The following NBAS variants were observed in gnomAD, a reference collection of about 807,000 sequenced individuals.
NBAS encodes the protein NBAS subunit of NRZ tethering complex, also known as NAG/BC035112 fusion.
In NBAS, 219 loss-of-function variants were observed where a neutral mutation model predicts 302.5. The ratio of observed to expected loss-of-function variants is 0.72; its 90% CI spans 0.65 to 0.81. NBAS has a LOEUF of 0.81. NBAS is among the 30% of genes least tolerant of loss of function. The probability of loss-of-function intolerance (pLI) is 0.00; values close to 1 mark genes in which losing one functional copy is unlikely to be tolerated. For synonymous variants in NBAS, 1,118 were observed against 1,021.6 expected, an observed-to-expected ratio of 1.09 and a Z score of -1.80; for missense variants, 2,932 against 2,841.6, an observed-to-expected ratio of 1.03 and a Z score of -0.72.
intron 21 of NBAS, among the ~76,000 whole-genome samples, chr2:15,452,571 C>G (rs1432583622): frequency 3.5e-5 from 5 of 141,934 alleles, no homozygotes; most frequent in Non-Finnish European, 7.5e-5. Context: ...CTGGGCAACA[C>G]AGAGAGACTC....
intron 35 of NBAS, among the ~76,000 whole-genome samples, chr2:15,338,908 G>A (rs1346298926): frequency 6.6e-6 from 1 of 152,068 alleles, no homozygotes; most frequent in East Asian, 1.9e-4. Flanking sequence ...AGCTACTTGG[G>A]GGGCTGAGGC....
chr2:14,930,327 G>A, the NBAS span, among the ~76,000 whole-genome samples: 1 of 152,232 alleles, frequency 6.6e-6, no homozygotes, highest in African/African-American at 2.4e-5. Flanking sequence ...GCCGCACTGT[G>A]TTGTGGCATT....
intron 11 of NBAS, among the ~76,000 whole-genome samples, chr2:15,489,928 G>C (rs1041527300): frequency 6.6e-6 from 1 of 152,128 alleles, no homozygotes; most frequent in Non-Finnish European, 1.5e-5. Flanking sequence ...ACAGAGACCA[G>C]AAAACAGCAG....
intron 15 of NBAS, 91 bp downstream of exon 15, chr2:15,473,976 A>T: frequency 6.6e-7 from 1 of 1,512,330 alleles, no homozygotes. Context: ...TCCCTCTTGA[A>T]ATTTTCTCCT....
At chr2:15,327,436 G>A (rs1276437226) in intron 38 of NBAS, among the ~76,000 whole-genome samples, 1 of 152,046 alleles carries the variant, frequency 6.6e-6, no homozygotes, top group South Asian at 2.1e-4. Context: ...CATAAAATCA[G>A]GAAATAAATT....
rs754225760 is a variant in NBAS at position 15,473,239 on chromosome 2, A to C, written c.1708T>G (p.Ser570Ala). ...QWRKSAVNVA[S>A]IQNYLSKIKK... Reference sequence around the variant, plus strand: ...AAACATACCAAATAATTCTGAATTGAAGCAACGTTGACCGCTGACTTCCTC... The same window carrying C: ...AAACATACCAAATAATTCTGAATTGCAGCAACGTTGACCGCTGACTTCCTC... Residue 570 changes from serine to alanine, a missense_variant, in exon 16 of 52, where the codon TCA (serine) becomes GCA (alanine). Physicochemically the swap from Ser to Ala is moderately conservative, Grantham distance 99. Transcript: ENST00000281513. 17 of 1,613,954 alleles carry C rather than the reference A, an allele frequency of 1.1e-5. No homozygotes were observed. Among genetic ancestry groups the C allele is most frequent in the Non-Finnish European group, 1.4e-5 (17 of 1,179,920 alleles).
the NBAS span, among the ~76,000 whole-genome samples, chr2:15,141,239 T>C: frequency 6.6e-6 from 1 of 152,078 alleles, no homozygotes; most frequent in East Asian, 1.9e-4. Context: ...CTCTACAATT[T>C]TGAATTGGCC....
chr2:15,234,883 G>T (rs1572497406), intron 45 of NBAS, 136 bp from the exon 46 acceptor site: 2 of 911,036 alleles, frequency 2.2e-6, no homozygotes, highest in Non-Finnish European at 1.7e-6. Context: ...GCATGTATTA[G>T]TTAGTTATTA....
rs141388551 is a variant in NBAS at position 15,551,602 on chromosome 2, G to C, written c.336-66C>G. Reference sequence around the variant, plus strand: ...CACTGTATAGAACCATAAAATACCAGATACTGTGGACTAGACAGCCTCTAT... The same window carrying C: ...CACTGTATAGAACCATAAAATACCACATACTGTGGACTAGACAGCCTCTAT... On this transcript the variant is annotated intron_variant, in intron 5 of 51. Transcript: ENST00000281513. 1,205 of 1,226,964 alleles carry C rather than the reference G, an allele frequency of 9.8e-4. 10 individuals carry two copies. In the African/African-American group the frequency reaches 0.016, roughly 17 times the overall value. The allele number at this position is 1,226,964 out of a possible 1,614,324, so 76.0% of individuals were successfully genotyped here.
At chr2:15,329,191 A>T (rs1672208300) in intron 36 of NBAS, among the ~76,000 whole-genome samples, 1 of 152,214 alleles carries the variant, frequency 6.6e-6, no homozygotes, top group Non-Finnish European at 1.5e-5. Context: ...TATTGTGGTT[A>T]CTTTATGCCA....
At chr2:15,420,228 G>A (rs1677145458) in intron 23 of NBAS, among the ~76,000 whole-genome samples, 1 of 152,170 alleles carries the variant, frequency 6.6e-6, no homozygotes, top group South Asian at 2.1e-4. Flanking sequence ...AAATATCACA[G>A]AAGCCGAAGA....
chr2:14,975,611 A>T, the NBAS span, among the ~76,000 whole-genome samples: 3 of 152,186 alleles, frequency 2.0e-5, no homozygotes, highest in Non-Finnish European at 2.9e-5. Flanking sequence ...GACTAACATA[A>T]TGAGTCACTC....
chr2:15,199,896 A>ATTT (rs35760010), intron 48 of NBAS, among the ~76,000 whole-genome samples: 39 of 121,412 alleles, frequency 3.2e-4, no homozygotes, highest in African/African-American at 1.0e-3. Flanking sequence ...AGAAAGCTGG[A>ATTT]TTTTTTTTTT....
At chr2:15,545,507 G>C (rs1289565834) in intron 6 of NBAS, among the ~76,000 whole-genome samples, 1 of 152,068 alleles carries the variant, frequency 6.6e-6, no homozygotes, top group Non-Finnish European at 1.5e-5. Flanking sequence ...ACAGACAGAA[G>C]GGTAATAGGG....
At chr2:14,826,801 A>G in the NBAS span, among the ~76,000 whole-genome samples, 1 of 152,172 alleles carries the variant, frequency 6.6e-6, no homozygotes, top group Non-Finnish European at 1.5e-5. Context: ...TCCCAAAGTG[A>G]GGCCTTTGCT....
chr2:15,539,985 C>T (rs1046381143), intron 6 of NBAS, among the ~76,000 whole-genome samples: 5 of 152,098 alleles, frequency 3.3e-5, no homozygotes, highest in Non-Finnish European at 5.9e-5. Context: ...TCTAATAACT[C>T]AGCAACTGAA....
chr2:14,907,868 CG>C, the NBAS span, among the ~76,000 whole-genome samples: 6 of 152,200 alleles, frequency 3.9e-5, no homozygotes, highest in Non-Finnish European at 7.3e-5. Context: ...TCTCTGTACC[CG>C]AACCCACTTA....
chr2:15,520,600 T>C (rs1279581385), intron 9 of NBAS, among the ~76,000 whole-genome samples: 1 of 151,328 alleles, frequency 6.6e-6, no homozygotes, highest in Non-Finnish European at 1.5e-5. Context: ...TACTAACTTA[T>C]GTCAGAGCAT....
chr2:15,511,738 T>C (rs1456741419), intron 9 of NBAS, among the ~76,000 whole-genome samples: 3 of 152,140 alleles, frequency 2.0e-5, no homozygotes, highest in Admixed American at 2.0e-4. Context: ...AGGGAGCCAT[T>C]ACAGAAAGCT....
Sources: gnomAD v4.1 joint callset for allele counts (sites outside exome capture counted in the v4.1 genomes callset) on GRCh38, gnomAD v4.1.1 for gene constraint, MANE v1.5 for transcripts, NCBI Gene and HGNC (gene_info 2026-07-23, HGNC 2026-07-21) for gene names.